Variants in ACP5 observed in about 807,000 individuals in gnomAD.
ACP5 encodes acid phosphatase 5, tartrate resistant, also known as tartrate-resistant acid phosphatase type 5.
Under a neutral mutation model 28.7 loss-of-function variants are expected in ACP5, and 24 were observed. The observed-to-expected ratio is 0.84, with a 90% CI of 0.61 to 1.18. The LOEUF is 1.18. Ranked by LOEUF, ACP5 falls within the 50% of genes most tolerant of loss-of-function variation. ACP5 has a pLI of 0.00. For synonymous variants in ACP5, 154 were observed against 181.4 expected (o/e 0.85, Z 1.21); for missense variants, 354 against 422.2 (o/e 0.84, Z 1.42).
Position 11,576,370 on chromosome 19 carries a change from G to T in ACP5, c.608C>A (p.Ala203Asp). 1 of 1,610,028 alleles carries T rather than the reference G, an allele frequency of 6.2e-7. No homozygotes were observed. The highest frequency in any genetic ancestry group is 1.1e-5 in the South Asian group (1 of 90,996). The change falls in exon 4 of 5, where the codon GCT becomes GAT. Residue 203 changes from alanine (A) to aspartate (D), a missense_variant. Ala to Asp is a moderately radical substitution (Grantham distance 126, BLOSUM62 -2). Coordinates refer to ENST00000648477, the MANE Select transcript of ACP5 (RefSeq NM_001611.5). Reference protein sequence around the residue: ...AAAREDYVLVAGHYPVWSIAE... With the variant: ...AAAREDYVLVDGHYPVWSIAE... ...TATGGACCACACGGGGTAGTGGCCA[G>T]CCACCAGCACGTAGTCCTCCCTGGC... is the stretch of plus-strand genomic sequence containing the variant.
In ACP5 at chr19:11,577,194, A is replaced by G; in HGVS notation, c.124T>C (p.Phe42Leu). ...TTGGCCATTTCCCGGGCCGTGTGGA[A>G]TGGGGCATTGGGGACCCCTCCCCAG... Reference protein sequence around the residue: ...GDWGGVPNAPFHTAREMANAK... With the variant: ...GDWGGVPNAPLHTAREMANAK... The change falls in exon 2 of 5, where the codon TTC becomes CTC. Residue 42 changes from phenylalanine (F) to leucine (L), a missense_variant. Phe to Leu is a conservative substitution (Grantham distance 22). Coordinates refer to ENST00000648477, the MANE Select transcript of ACP5 (RefSeq NM_001611.5). The surrounding 1 kb of genome is among the most constrained non-coding windows in gnomAD (Gnocchi z 5.7). The G allele has an allele frequency of 6.2e-7, 1 of 1,614,188 alleles. No homozygotes were observed. Among genetic ancestry groups the G allele is most frequent in the Non-Finnish European group, 8.5e-7 (1 of 1,180,020 alleles).
In ACP5 at chr19:11,574,906, A is replaced by G; in HGVS notation, c.*104T>C. On this transcript the variant is annotated 3_prime_UTR_variant, in exon 5 of 5. Transcript: ENST00000648477. Reference sequence around the variant, plus strand: ...GTGTTTCCCCTTCCTGCCCTGCTGCAGCGCCACAGGTTGGAGGAAAAGCCT... The same window carrying G: ...GTGTTTCCCCTTCCTGCCCTGCTGCGGCGCCACAGGTTGGAGGAAAAGCCT... 1.5e-6 allele frequency: 2 copies of G among 1,360,080 alleles called. No homozygotes were observed. Among genetic ancestry groups the G allele is most frequent in the Non-Finnish European group, 2.1e-6 (2 of 959,252 alleles). The allele number at this position is 1,360,080 out of a possible 1,614,324, so 84.3% of individuals were successfully genotyped here.
Position 11,576,380 on chromosome 19 carries a change from C to A in ACP5, c.598G>T (p.Val200Leu). The A allele has an allele frequency of 2.5e-6, 4 of 1,610,846 alleles. No individual in the cohort carries two copies. Among genetic ancestry groups the A allele is most frequent in the Non-Finnish European group, 3.4e-6 (4 of 1,178,242 alleles). The change falls in exon 4 of 5, where the codon GTG becomes TTG. Residue 200 changes from valine (V) to leucine (L), a missense_variant. Transcript: ENST00000648477. ...ACGGGGTAGTGGCCAGCCACCAGCA[C>A]GTAGTCCTCCCTGGCCGCCGCCAGC... ...KQLAAAREDY[V>L]LVAGHYPVWS...
upstream of ACP5, among the ~76,000 whole-genome samples, chr19:11,578,351 A>G (rs1239211153): frequency 2.6e-5 from 4 of 151,948 alleles, no homozygotes; most frequent in Non-Finnish European, 5.9e-5. Flanking sequence ...CATCCCACAC[A>G]TAAACACCAA....
Position 11,577,498 on chromosome 19 carries a change from G to A in ACP5, c.-1+95C>T, listed in dbSNP as rs540904939. ...CACAAGGCTGCACAAGCTGGCTTAG[G>A]GAAGGGGGGCGCGGTCTGTGAGAGG... On this transcript the variant is annotated intron_variant, in intron 1 of 4. Coordinates refer to ENST00000648477, the MANE Select transcript of ACP5 (RefSeq NM_001611.5). This position sits in a 1 kb window ranked among gnomAD's most constrained non-coding sequence, Gnocchi z 5.7. 6.9e-6 allele frequency: 5 copies of A among 725,394 alleles called. No individual in the cohort carries two copies. Among genetic ancestry groups the A allele is most frequent in the South Asian group, 6.6e-5 (4 of 60,660 alleles). 44.9% of individuals were successfully genotyped at this position (725,394 alleles called of 1,614,324 possible). A position where few individuals can be genotyped will look rare whatever the true frequency, so the allele number is the denominator to read the frequency against.
chr19:11,576,974 C>T, intron 2 of ACP5, 83 bp downstream of exon 2: 2 of 1,608,020 alleles, frequency 1.2e-6, no homozygotes, highest in South Asian at 1.1e-5. Flanking sequence ...TCCCTCTGCC[C>T]TCACCAAAGG....
At chr19:11,576,612 G>T (rs1973165730) in intron 3 of ACP5, 24 bp from the exon 4 acceptor site, 1 of 1,613,510 alleles carries the variant, frequency 6.2e-7, no homozygotes, top group Non-Finnish European at 8.5e-7. Flanking sequence ...AGAGGTCGTG[G>T]GTGCACATCT....
intron 2 of ACP5, 95 bp downstream of exon 2, chr19:11,576,962 C>T (rs1175133530): frequency 6.8e-6 from 11 of 1,608,572 alleles, no homozygotes; most frequent in Non-Finnish European, 9.4e-6. Context: ...GCCCCATCAC[C>T]TTCCCTCTGC....
rs1463122223 is a variant in ACP5, at chr19:11,574,987, C to T, written c.*23G>A. 2 of 1,613,910 alleles carry T rather than the reference C, an allele frequency of 1.2e-6. No individual in the cohort carries two copies. Among genetic ancestry groups the T allele is most frequent in the Non-Finnish European group, 1.7e-6 (2 of 1,179,950 alleles). On this transcript the variant is annotated 3_prime_UTR_variant, in exon 5 of 5. Transcript: ENST00000648477. ...CCACCCAACAGTGGAGATCGGGCCT[C>T]AGAGCTGGGCAGTCATGGGAGTTCA...
chr19:11,575,343 G>A, intron 4 of ACP5, 91 bp from the exon 5 acceptor site: 1 of 1,524,508 alleles, frequency 6.6e-7, no homozygotes, highest in Non-Finnish European at 9.0e-7. Context: ...TAACCACAGA[G>A]TCACCTTGAG....
Position 11,574,734 on chromosome 19 carries a change from C to T in ACP5, c.*276G>A, listed in dbSNP as rs1973061429. 2 of 344,076 alleles carry T rather than the reference C, an allele frequency of 5.8e-6. No individual in the cohort carries two copies. Among genetic ancestry groups the T allele is most frequent in the Non-Finnish European group, 1.1e-5 (2 of 174,842 alleles). 21.3% of individuals were successfully genotyped at this position (344,076 alleles called of 1,614,324 possible). A position where few individuals can be genotyped will look rare whatever the true frequency, so the allele number is the denominator to read the frequency against. On this transcript the variant is annotated 3_prime_UTR_variant, in exon 5 of 5. Transcript: ENST00000648477. ...CTTGATTTAGGAGGAAGCTTTCCCT[C>T]CCTCCCTCCCCCATTGCACCCCGGA...
Position 11,576,815 on chromosome 19 carries a change from C to T in ACP5, c.290G>A (p.Arg97His), listed in dbSNP as rs777140546. Residue 97 changes from arginine to histidine, a missense_variant, in exon 3 of 5, where the codon CGC becomes CAC. Physicochemically the swap from Arg to His is conservative, Grantham distance 29. Transcript: ENST00000648477. ...QETFEDVFSD[R>H]SLRKVPWYVL... ...GTACCAGGGCACTTTGCGAAGGGAG[C>T]GGTCAGAGAATACGTCCTCAAAGGT... is the stretch of plus-strand genomic sequence containing the variant. 71 of 1,613,930 alleles carry T rather than the reference C, an allele frequency of 4.4e-5. No individual in the cohort carries two copies. The highest frequency in any genetic ancestry group is 5.3e-5 in the Non-Finnish European group (62 of 1,180,012).
rs757203906 is a variant in ACP5 at position 11,577,202 on chromosome 19, T to C, written c.116A>G (p.Asn39Ser). Residue 39 changes from asparagine (N) to serine (S), a missense_variant, in exon 2 of 5, where the codon AAT (asparagine) becomes AGT (serine). By Grantham distance (46) the Asn-to-Ser change is conservative. Transcript: ENST00000648477. The surrounding 1 kb of genome is among the most constrained non-coding windows in gnomAD (Gnocchi z 5.7). ...TTCCCGGGCCGTGTGGAATGGGGCA[T>C]TGGGGACCCCTCCCCAGTCACCCAC... ...VAVGDWGGVP[N>S]APFHTAREMA... The C allele has an allele frequency of 1.2e-5, 19 of 1,614,106 alleles. No individual in the cohort carries two copies. The highest frequency in any genetic ancestry group is 1.4e-5 in the Non-Finnish European group (17 of 1,180,008).
At chr19:11,576,690 G>T in intron 3 of ACP5, 26 bp downstream of exon 3, 4 of 1,614,012 alleles carry the variant, frequency 2.5e-6, no homozygotes, top group South Asian at 1.1e-5. Flanking sequence ...TGAGGATCTC[G>T]GAAGGCAGGG....
At position 11,577,528 on chromosome 19, in the gene ACP5, G is replaced by A; in HGVS notation, c.-1+65C>T. 3.1e-6 allele frequency: 2 copies of A among 636,902 alleles called. No individual in the cohort carries two copies. The highest frequency in any genetic ancestry group is 1.8e-5 in the South Asian group (1 of 55,456). The allele number at this position is 636,902 out of a possible 1,614,324, so 39.5% of individuals were successfully genotyped here. On this transcript the variant is annotated intron_variant, in intron 1 of 4. Transcript: ENST00000648477. The surrounding 1 kb of genome is among the most constrained non-coding windows in gnomAD (Gnocchi z 5.7). ...GGGGGCGCGGTCTGTGAGAGGGCGAGCTGTACCAAGATGGCCCTGCAGGCC... is the reference window on the plus strand; with the variant it reads ...GGGGGCGCGGTCTGTGAGAGGGCGAACTGTACCAAGATGGCCCTGCAGGCC...
At chr19:11,576,980 A>G in intron 2 of ACP5, 77 bp downstream of exon 2, 3 of 1,607,508 alleles carry the variant, frequency 1.9e-6, no homozygotes, top group Non-Finnish European at 2.6e-6. Flanking sequence ...TGCCCTCACC[A>G]AAGGAAGGTC....
At position 11,576,941 on chromosome 19, in the gene ACP5, C is replaced by A. The variant is rs534619992; in HGVS notation, c.262-98G>T. The A allele has an allele frequency of 4.4e-6, 7 of 1,606,922 alleles. No homozygotes were observed. The African/African-American group carries it at 8.0e-5, about 18-fold the overall frequency. On this transcript the variant is annotated intron_variant, in intron 2 of 4. Coordinates refer to ENST00000648477, the MANE Select transcript of ACP5 (RefSeq NM_001611.5). ...TAAGGGAGACACTGAATGCTCCCGG[C>A]GCCCAAAGGTGCCCCATCACCTTCC...
In ACP5 at chr19:11,575,132, C is replaced by T. The variant is rs1973079202; in HGVS notation, c.856G>A (p.Glu286Lys). The T allele has an allele frequency of 3.1e-6, 5 of 1,614,224 alleles. No individual in the cohort carries two copies. The highest frequency in any genetic ancestry group is 4.2e-6 in the Non-Finnish European group (5 of 1,180,050). Residue 286 changes from glutamate (E) to lysine (K), a missense_variant, in exon 5 of 5, where the codon GAA (glutamate) becomes AAA (lysine). Physicochemically the swap from Glu to Lys is moderately conservative, Grantham distance 56. Transcript: ENST00000648477. ...TAGGCAAAGCCACCCAGTGAGTCTT[C>T]AGTCCCATAGTGGAAGCGCAGATAG... ...NGYLRFHYGT[E>K]DSLGGFAYVE...
intron 4 of ACP5, 150 bp downstream of exon 4, chr19:11,576,093 C>T (rs1973135254): frequency 1.7e-6 from 1 of 593,984 alleles, no homozygotes; most frequent in Admixed American, 3.0e-5. Context: ...GGAGTGTTTT[C>T]CTGGTTAGAC....
Sources: gnomAD v4.1 joint callset for allele counts (sites outside exome capture counted in the v4.1 genomes callset) on GRCh38, gnomAD v4.1.1 for gene constraint, Gnocchi (gnomAD v3.1) non-coding constraint, MANE v1.5 for transcripts, NCBI Gene and HGNC (gene_info 2026-07-23, HGNC 2026-07-21) for gene names.